The following ATP6V1A variants were observed in gnomAD, a reference collection of about 807,000 sequenced individuals.
The protein encoded by ATP6V1A is ATPase H+ transporting V1 subunit A.
A neutral mutation model predicts 70.1 loss-of-function variants in ATP6V1A; 18 were observed. That is an observed-to-expected ratio of 0.26 (90% CI 0.18 to 0.38). ATP6V1A has a LOEUF of 0.38. Ranked by LOEUF, ATP6V1A falls within the 10% of genes least tolerant of loss-of-function variation. The pLI, the probability that ATP6V1A is intolerant of heterozygous loss-of-function variation, is 1.00. For missense variants in ATP6V1A, 424 were observed against 772.4 expected (o/e 0.55, Z 5.35); for synonymous variants, 232 against 253.8 (o/e 0.91, Z 0.82).
chr3:113,775,677 A>G (rs11719303), intron 1 of ATP6V1A, among the ~76,000 whole-genome samples: 1 of 151,942 alleles, frequency 6.6e-6, no homozygotes, highest in African/African-American at 2.4e-5. Flanking sequence ...CCAGGATGTG[A>G]TCCCAAGTCT....
At chr3:113,788,568 A>G (rs1709060907) in intron 6 of ATP6V1A, 145 bp from the exon 7 acceptor site, 2 of 601,174 alleles carry the variant, frequency 3.3e-6, no homozygotes, top group African/African-American at 1.9e-5. Flanking sequence ...CTGGTCTCGA[A>G]CTCCTCACTT....
intron 14 of ATP6V1A, 138 bp downstream of exon 14, chr3:113,805,663 G>T: frequency 1.2e-6 from 1 of 840,374 alleles, no homozygotes; most frequent in Non-Finnish European, 1.8e-6. Flanking sequence ...CTGCCTCCTG[G>T]GTTCAAACGA....
intron 13 of ATP6V1A, among the ~76,000 whole-genome samples, chr3:113,804,939 C>T (rs980799872): frequency 1.3e-5 from 2 of 152,138 alleles, no homozygotes; most frequent in African/African-American, 4.8e-5. Flanking sequence ...CTCATTAAAC[C>T]TAATCCACTA....
chr3:113,798,449 G>T lies in ATP6V1A; in HGVS notation c.1494+3G>T, dbSNP rs369605904. On this transcript the variant is annotated splice_donor_region_variant and intron_variant, in intron 12 of 14. Coordinates refer to ENST00000273398, the MANE Select transcript of ATP6V1A (RefSeq NM_001690.4). The stretch of plus-strand genomic sequence containing the variant: ...AAATTGTACAGCTTGTGGGAAAGGT[G>T]AGTTGTTAAATTCCATGGAAGATAG... 6.2e-7 allele frequency: 1 copy of T among 1,613,432 alleles called. No homozygotes were observed. Among genetic ancestry groups the T allele is most frequent in the African/African-American group, 1.3e-5 (1 of 74,908 alleles).
At chr3:113,788,614 G>A (rs1282749693) in intron 6 of ATP6V1A, 99 bp from the exon 7 acceptor site, 2 of 1,134,766 alleles carry the variant, frequency 1.8e-6, no homozygotes, top group African/African-American at 1.6e-5. Flanking sequence ...CACAAGTGCT[G>A]CTGGGATTAC....
Position 113,788,887 on chromosome 3 carries a change from G to A in ATP6V1A, c.879+12G>A. 6.2e-7 allele frequency: 1 copy of A among 1,606,842 alleles called. No homozygotes were observed. Among genetic ancestry groups the A allele is most frequent in the South Asian group, 1.1e-5 (1 of 90,536 alleles). ...GGGACTTCCCAGAGGTCTGTATAAAGCTTCAAATAATATCCTAGAGAAAAT... is the reference window on the plus strand; with the variant it reads ...GGGACTTCCCAGAGGTCTGTATAAAACTTCAAATAATATCCTAGAGAAAAT... On this transcript the variant is annotated intron_variant, in intron 7 of 14. Coordinates refer to ENST00000273398, the MANE Select transcript of ATP6V1A (RefSeq NM_001690.4).
chr3:113,802,993 C>T (rs1709232453), intron 12 of ATP6V1A, among the ~76,000 whole-genome samples: 1 of 152,012 alleles, frequency 6.6e-6, no homozygotes, highest in South Asian at 2.1e-4. Context: ...TTCACAATAG[C>T]CAGGAAGTGG....
intron 3 of ATP6V1A, among the ~76,000 whole-genome samples, chr3:113,782,571 TAC>T (rs1244799136): frequency 1.4e-5 from 2 of 146,828 alleles, no homozygotes; most frequent in Admixed American, 6.8e-5. Context: ...TGTATATATA[TAC>T]GTATATATAT....
rs764469987 is a variant in ATP6V1A, at chr3:113,805,462, A to C, written c.1698A>C (p.Thr566=). The C allele has an allele frequency of 6.2e-7, 1 of 1,613,972 alleles. No individual in the cohort carries two copies. Among genetic ancestry groups the C allele is most frequent in the Non-Finnish European group, 8.5e-7 (1 of 1,179,824 alleles). The change falls in exon 14 of 15, where the codon ACA becomes ACC. Residue 566 remains threonine, a synonymous_variant. Coordinates refer to ENST00000273398, the MANE Select transcript of ATP6V1A (RefSeq NM_001690.4). ...ETTAQSDNKI[T]WSIIREHMGD... is the part of the protein sequence containing the mutation. The stretch of plus-strand genomic sequence containing the variant: ...CTGCCCAGAGTGACAATAAAATCAC[A>C]TGGTCCATTATTCGTGAGCACATGG...
At chr3:113,794,603 G>A (rs940196834) in intron 8 of ATP6V1A, among the ~76,000 whole-genome samples, 2 of 152,144 alleles carry the variant, frequency 1.3e-5, no homozygotes, top group African/African-American at 4.8e-5. Flanking sequence ...GAAAGAGTAT[G>A]GAAGAGCGTG....
At chr3:113,776,975 C>T (rs1708920847) in intron 1 of ATP6V1A, among the ~76,000 whole-genome samples, 1 of 152,182 alleles carries the variant, frequency 6.6e-6, no homozygotes, top group South Asian at 2.1e-4. Context: ...ACATTCTAAT[C>T]TTTGAACTTT....
rs563923856 is a variant in ATP6V1A at position 113,773,278 on chromosome 3, A to G, written c.-13-5463A>G. 3.9e-4 allele frequency among the ~76,000 whole-genome samples: 60 copies of G among 152,212 alleles called. 3 individuals carry two copies. In the South Asian group the frequency reaches 7.7e-3, roughly 19 times the overall value. On this transcript the variant is annotated intron_variant, in intron 1 of 14. Coordinates refer to ENST00000273398, the MANE Select transcript of ATP6V1A (RefSeq NM_001690.4). ...AAAAGGACAGTCATCTTGGTTTGCT[A>G]ATACAAGAATATTCACCAAATTAAT... is the stretch of plus-strand genomic sequence containing the variant.
At chr3:113,785,040 T>C (rs1709022564) in intron 5 of ATP6V1A, among the ~76,000 whole-genome samples, 2 of 152,260 alleles carry the variant, frequency 1.3e-5, no homozygotes, top group South Asian at 4.1e-4. Flanking sequence ...TTTAAAGAAA[T>C]GTAACAGTTT....
At chr3:113,767,195 A>C (rs2108016742) in intron 1 of ATP6V1A, among the ~76,000 whole-genome samples, 1 of 150,040 alleles carries the variant, frequency 6.7e-6, no homozygotes, top group East Asian at 2.0e-4. Flanking sequence ...GGGTTCAAGC[A>C]ATTCTCCTGC....
At chr3:113,808,965 C>T (rs999074027) in intron 14 of ATP6V1A, among the ~76,000 whole-genome samples, 1 of 152,000 alleles carries the variant, frequency 6.6e-6, no homozygotes, top group Non-Finnish European at 1.5e-5. Flanking sequence ...TACGAGTAAC[C>T]TGGGCCAGGT....
intron 14 of ATP6V1A, among the ~76,000 whole-genome samples, chr3:113,808,384 T>C (rs1709303868): frequency 7.2e-6 from 1 of 139,724 alleles, no homozygotes; most frequent in Non-Finnish European, 1.5e-5. Flanking sequence ...CTCCGCCTCC[T>C]GGGTTCAAGC....
chr3:113,760,784 A>G (rs2108011854), intron 1 of ATP6V1A, among the ~76,000 whole-genome samples: 1 of 148,120 alleles, frequency 6.8e-6, no homozygotes, highest in Admixed American at 6.8e-5. Context: ...AAATATAGAC[A>G]TCGGCCAGGT....
chr3:113,799,311 C>G (rs1339245330), intron 12 of ATP6V1A, among the ~76,000 whole-genome samples: 3 of 152,104 alleles, frequency 2.0e-5, no homozygotes, highest in African/African-American at 7.2e-5. Context: ...TTGTAATTCA[C>G]TAATGTAATA....
At chr3:113,764,998 G>T (rs1167445407) in intron 1 of ATP6V1A, among the ~76,000 whole-genome samples, 1 of 113,502 alleles carries the variant, frequency 8.8e-6, no homozygotes, top group Non-Finnish European at 1.8e-5. Flanking sequence ...TGTCTTAATT[G>T]AAAAAAAAAA....
Sources: gnomAD v4.1 joint callset for allele counts (sites outside exome capture counted in the v4.1 genomes callset) on GRCh38, gnomAD v4.1.1 for gene constraint, MANE v1.5 for transcripts, NCBI Gene and HGNC (gene_info 2026-07-23, HGNC 2026-07-21) for gene names.